PIMREG: variants seen among roughly 807,000 people sequenced by gnomAD.
The protein encoded by PIMREG is protein PIMREG.
A neutral mutation model predicts 24.3 loss-of-function variants in PIMREG; 19 were observed. That is an observed-to-expected ratio of 0.78 (90% confidence interval 0.54 to 1.15). PIMREG has a LOEUF of 1.15. PIMREG is among the 50% of genes most tolerant of loss of function. The pLI is 0.00. For missense variants in PIMREG, 283 were observed against 306.8 expected (o/e 0.92, Z 0.58); for synonymous variants, 112 against 124.1 (o/e 0.90, Z 0.65).
In PIMREG at chr17:6,447,743, C is replaced by T; in HGVS notation, c.575C>T (p.Pro192Leu). Residue 192 changes from proline (P) to leucine (L), a missense_variant, in exon 3 of 6, where the codon CCC becomes CTC. By Grantham distance (98) the Pro-to-Leu change is moderately conservative. Transcript: ENST00000572447. Reference protein sequence around the residue: ...AFRSPYSSTEPLCSPSESDSD... With the variant: ...AFRSPYSSTELLCSPSESDSD... ...CGGAGCCCCTACTCCTCAACAGAGC[C>T]CCTCTGCTCTCCCAGGCAAGTGGGA... 1 of 1,603,570 alleles carries T rather than the reference C, an allele frequency of 6.2e-7. No homozygotes were observed. The highest frequency in any genetic ancestry group is 8.5e-7 in the Non-Finnish European group (1 of 1,172,180).
intron 2 of PIMREG, among the ~76,000 whole-genome samples, chr17:6,447,031 T>C (rs560714393): frequency 6.6e-6 from 1 of 152,186 alleles, no homozygotes; most frequent in South Asian, 2.1e-4. Flanking sequence ...ATAGCCTGTA[T>C]TTACAGGACA....
At chr17:6,448,787 CTG>C (rs1913691022) in intron 3 of PIMREG, among the ~76,000 whole-genome samples, 1 of 152,216 alleles carries the variant, frequency 6.6e-6, no homozygotes, top group Non-Finnish European at 1.5e-5. Context: ...TGCCTAGCCG[CTG>C]CACCTGTGTT....
At position 6,445,303 on chromosome 17, in the gene PIMREG, G is replaced by T. The variant is rs756624399; in HGVS notation, c.193G>T (p.Ala65Ser). The change falls in exon 2 of 6, where the codon GCA becomes TCA. Residue 65 changes from alanine to serine, a missense_variant. Transcript: ENST00000572447. ...PLRAVNLNLR[A>S]GPSWKRLETP... ...GAGAGCCGTCAACCTCAACCTCCGC[G>T]CAGGGCCCTCCTGGAAACGCCTGGA... The T allele has an allele frequency of 6.2e-7, 1 of 1,614,040 alleles. No individual in the cohort carries two copies. The highest frequency in any genetic ancestry group is 1.7e-5 in the Admixed American group (1 of 60,024).
Position 6,445,077 on chromosome 17 carries a change from G to A in PIMREG, c.-34G>A, listed in dbSNP as rs1424001956. ...TCTGCCTTTCGCCCTCCTCCCCAGGGTCTAGTGGACAGAGAAGACTCTTGG... is the reference window on the plus strand; with the variant it reads ...TCTGCCTTTCGCCCTCCTCCCCAGGATCTAGTGGACAGAGAAGACTCTTGG... On this transcript the variant is annotated splice_region_variant and 5_prime_UTR_variant, in exon 2 of 6. Transcript: ENST00000572447. The A allele has an allele frequency of 6.5e-7, 1 of 1,543,340 alleles. No individual in the cohort carries two copies.
chr17:6,445,212 C>G lies in PIMREG; in HGVS notation c.102C>G (p.Ser34Arg). 1 of 1,613,816 alleles carries G rather than the reference C, an allele frequency of 6.2e-7. No homozygotes were observed. Among genetic ancestry groups the G allele is most frequent in the South Asian group, 1.1e-5 (1 of 91,052 alleles). The part of the protein sequence containing the change: ...EDSKELQPVV[S>R]HQETSVGALG... ...GCAAGGAGCTGCAGCCTGTGGTCAG[C>G]CATCAGGAGACCTCTGTAGGGGCCC... Residue 34 changes from serine to arginine, a missense_variant, in exon 2 of 6, where the codon AGC becomes AGG. Transcript: ENST00000572447.
chr17:6,447,267 G>A (rs990104913), intron 2 of PIMREG, 196 bp from the exon 3 acceptor site: 11 of 562,720 alleles, frequency 2.0e-5, no homozygotes, highest in East Asian at 6.3e-5. Context: ...ACCCGCCACC[G>A]CGCCTGGCTA....
At position 6,449,410 on chromosome 17, in the gene PIMREG, G is replaced by A. The variant is rs1226990169; in HGVS notation, c.686+3G>A. The A allele has an allele frequency of 6.2e-7, 1 of 1,611,870 alleles. No individual in the cohort carries two copies. The highest frequency in any genetic ancestry group is 1.7e-5 in the Admixed American group (1 of 59,556). Reference sequence around the variant, plus strand: ...GAAGCCATTATGGCGGAAGAGAGGTGAGTTGGCATCCCATGCTTCAAAGTG... The same window carrying A: ...GAAGCCATTATGGCGGAAGAGAGGTAAGTTGGCATCCCATGCTTCAAAGTG... On this transcript the variant is annotated splice_donor_region_variant and intron_variant, in intron 4 of 5. Transcript: ENST00000572447.
At chr17:6,449,279 C>A in intron 3 of PIMREG, 33 bp from the exon 4 acceptor site, 1 of 1,579,862 alleles carries the variant, frequency 6.3e-7, no homozygotes, top group South Asian at 1.1e-5. Context: ...GAGTTTCCAA[C>A]TAGTCACTGG....
At position 6,445,826 on chromosome 17, in the gene PIMREG, A is replaced by C. The variant is rs561406004; in HGVS notation, c.294+422A>C. 7.2e-5 allele frequency among the ~76,000 whole-genome samples: 11 copies of C among 152,270 alleles called. No individual in the cohort carries two copies. The East Asian group carries it at 1.9e-3, about 27-fold the overall frequency. ...TCCAGGCCTAGAGCTGAGGGAAAGC[A>C]AGGTGTACTGCCCACTCAGCTGTGT... On this transcript the variant is annotated intron_variant, in intron 2 of 5. Coordinates refer to ENST00000572447, the MANE Select transcript of PIMREG (RefSeq NM_019013.3).
rs1020491180 is a variant in PIMREG, at chr17:6,444,865, T to C, written c.-35-211T>C. On this transcript the variant is annotated intron_variant, in intron 1 of 5. Coordinates refer to ENST00000572447, the MANE Select transcript of PIMREG (RefSeq NM_019013.3). This position sits in a 1 kb window ranked among gnomAD's most constrained non-coding sequence, Gnocchi z 4.3. ...GGTTGGGATGAAAAGACAGCTGTTT[T>C]GGAAACTTGAAGGGCGGGACATCAG... is the stretch of plus-strand genomic sequence containing the variant. 6.6e-6 allele frequency among the ~76,000 whole-genome samples: 1 copy of C among 152,092 alleles called. No individual in the cohort carries two copies. Among genetic ancestry groups the C allele is most frequent in the Non-Finnish European group, 1.5e-5 (1 of 68,010 alleles).
In PIMREG at chr17:6,449,339, G is replaced by T. The variant is rs1201505715; in HGVS notation, c.618G>T (p.Val206=). Residue 206 remains valine, a synonymous_variant, in exon 4 of 6, where the codon GTG becomes GTT. Coordinates refer to ENST00000572447, the MANE Select transcript of PIMREG (RefSeq NM_019013.3). The part of the protein sequence containing the change: ...PSESDSDLEP[V]GAGIQHLQKL... ...AGTCTGACAGTGACCTAGAGCCTGTGGGGGCGGGAATTCAGCATCTCCAGA... is the reference window on the plus strand; with the variant it reads ...AGTCTGACAGTGACCTAGAGCCTGTTGGGGCGGGAATTCAGCATCTCCAGA... The T allele has an allele frequency of 2.5e-6, 4 of 1,612,790 alleles. No individual in the cohort carries two copies. In the African/African-American group the frequency reaches 4.0e-5, roughly 16 times the overall value.
chr17:6,447,397 T>C, intron 2 of PIMREG, 66 bp from the exon 3 acceptor site: 1 of 1,544,736 alleles, frequency 6.5e-7, no homozygotes, highest in African/African-American at 1.4e-5. Flanking sequence ...ATTATAGGCG[T>C]GAGCCACCGC....
chr17:6,445,455 C>T (rs1223535404), intron 2 of PIMREG, 51 bp downstream of exon 2: 1 of 1,535,976 alleles, frequency 6.5e-7, no homozygotes, highest in Admixed American at 2.0e-5. Context: ...TCCTTGGTGC[C>T]AGGCAGTTCC....
rs1278635566 is a variant in PIMREG, at chr17:6,445,266, G to A, written c.156G>A (p.Arg52=). Reference sequence around the variant, plus strand: ...GGTCCCTGTGCAGACAGTTCCAAAGGAGGCTGCCCCTGAGAGCCGTCAACC... The same window carrying A: ...GGTCCCTGTGCAGACAGTTCCAAAGAAGGCTGCCCCTGAGAGCCGTCAACC... The part of the protein sequence containing the change: ...ALGSLCRQFQ[R]RLPLRAVNLN... Residue 52 remains arginine (R), a synonymous_variant, in exon 2 of 6, where the codon AGG becomes AGA. Coordinates refer to ENST00000572447, the MANE Select transcript of PIMREG (RefSeq NM_019013.3). 1.9e-6 allele frequency: 3 copies of A among 1,613,840 alleles called. No homozygotes were observed. Among genetic ancestry groups the A allele is most frequent in the Non-Finnish European group, 2.5e-6 (3 of 1,179,990 alleles).
chr17:6,449,605 C>T (rs1480595928), intron 4 of PIMREG, 198 bp downstream of exon 4: 2 of 1,134,994 alleles, frequency 1.8e-6, no homozygotes, highest in African/African-American at 3.1e-5. Context: ...AGGATGTAGC[C>T]TGAATGTGTG....
chr17:6,446,542 C>G (rs1181719389), intron 2 of PIMREG, among the ~76,000 whole-genome samples: 1 of 152,168 alleles, frequency 6.6e-6, no homozygotes, highest in Non-Finnish European at 1.5e-5. Flanking sequence ...GCTCCAAACA[C>G]TGGGCTCTGG....
In PIMREG at chr17:6,446,036, T is replaced by C. The variant is rs562592007; in HGVS notation, c.294+632T>C. On this transcript the variant is annotated intron_variant, in intron 2 of 5. Transcript: ENST00000572447. ...TAGAATTTGCCCTTTAGCTACATGA[T>C]GGAGAAGGGAATAGAGGCAGAGATG... 1.5e-5 allele frequency: 6 copies of C among 401,156 alleles called. No homozygotes were observed. In the East Asian group the frequency reaches 2.1e-4, roughly 14 times the overall value. 24.8% of individuals were successfully genotyped at this position (401,156 alleles called of 1,614,324 possible).
At chr17:6,445,033 A>C in intron 1 of PIMREG, 43 bp from the exon 2 acceptor site, 4 of 1,409,300 alleles carry the variant, frequency 2.8e-6, no homozygotes, top group Non-Finnish European at 3.8e-6. Context: ...GGGAATGGGT[A>C]TGGGGAATGC....
chr17:6,449,207 G>T, intron 3 of PIMREG, 105 bp from the exon 4 acceptor site: 1 of 896,020 alleles, frequency 1.1e-6, no homozygotes, highest in Non-Finnish European at 1.7e-6. Context: ...AGCCCAGCCC[G>T]CCAGGGTCAT....
Sources: allele counts gnomAD v4.1 joint callset (sites outside exome capture counted in the v4.1 genomes callset), GRCh38; gene constraint gnomAD v4.1.1; non-coding constraint Gnocchi (gnomAD v3.1); transcripts MANE v1.5; gene names NCBI Gene and HGNC (gene_info 2026-07-23, HGNC 2026-07-21).